LILRA2: variants seen among roughly 807,000 people sequenced by gnomAD.
The protein encoded by LILRA2 is leukocyte immunoglobulin like receptor A2, also known as leukocyte immunoglobulin-like receptor subfamily A member 2.
A neutral mutation model predicts 47.9 loss-of-function variants in LILRA2; 45 were observed. The ratio of observed to expected loss-of-function variants is 0.94; its 90% CI spans 0.74 to 1.20. LILRA2 has a LOEUF of 1.20. LILRA2 is among the 50% of genes most tolerant of loss of function. LILRA2 has a pLI of 0.00. For synonymous variants in LILRA2, 279 were observed against 249.2 expected, an observed-to-expected ratio of 1.12 and a Z score of -1.13; for missense variants, 651 against 598.2, an observed-to-expected ratio of 1.09 and a Z score of -0.92.
Position 54,577,521 on chromosome 19 carries a change from A to C in LILRA2, c.1255+1412A>C, listed in dbSNP as rs768732718. Reference sequence around the variant, plus strand: ...TGCGGGGTCCCTGGGCCATCTCAAGACAAGAGAGGAGGCTGCTTGGGCCTC... The same window carrying C: ...TGCGGGGTCCCTGGGCCATCTCAAGCCAAGAGAGGAGGCTGCTTGGGCCTC... On this transcript the variant is annotated intron_variant, in intron 6 of 7. Coordinates refer to ENST00000391738, the MANE Select transcript of LILRA2 (RefSeq NM_001130917.3). 24 of 1,289,546 alleles carry C rather than the reference A, an allele frequency of 1.9e-5. No homozygotes were observed. In the South Asian group the frequency reaches 3.0e-4, roughly 16 times the overall value. The allele number at this position is 1,289,546 out of a possible 1,614,324, so 79.9% of individuals were successfully genotyped here. A position where few individuals can be genotyped will look rare whatever the true frequency, so the allele number is the denominator to read the frequency against.
chr19:54,585,035 C>T (rs2062756000), intron 6 of LILRA2, among the ~76,000 whole-genome samples: 2 of 152,216 alleles, frequency 1.3e-5, no homozygotes, highest in African/African-American at 4.8e-5. Flanking sequence ...TCAGACCCCT[C>T]AGCAGCAGGT....
chr19:54,585,698 C>T (rs1164016605), intron 6 of LILRA2, among the ~76,000 whole-genome samples: 1 of 152,208 alleles, frequency 6.6e-6, no homozygotes, highest in Non-Finnish European at 1.5e-5. Context: ...TACAGTCTGT[C>T]ACGGCTTCCC....
At chr19:54,573,191 C>A (rs2062195897), upstream of LILRA2, 1 of 395,280 alleles carries the variant, frequency 2.5e-6, no homozygotes, top group African/African-American at 2.0e-5. Context: ...TGCTATGTGG[C>A]CCAGGGTAAT....
chr19:54,574,619 G>A, intron 3 of LILRA2, 37 bp downstream of exon 3: 1 of 1,609,364 alleles, frequency 6.2e-7, no homozygotes, highest in Non-Finnish European at 8.5e-7. Flanking sequence ...CCCAGGCTCT[G>A]CCCTCAGGAA....
intron 6 of LILRA2, among the ~76,000 whole-genome samples, chr19:54,582,932 C>G (rs2062686441): frequency 6.6e-6 from 1 of 152,200 alleles, no homozygotes; most frequent in Admixed American, 6.5e-5. Context: ...AAATTTCCCT[C>G]TACACACTGC....
At chr19:54,582,729 C>T (rs971191773) in intron 6 of LILRA2, among the ~76,000 whole-genome samples, 1 of 152,138 alleles carries the variant, frequency 6.6e-6, no homozygotes, top group African/African-American at 2.4e-5. Context: ...AAAACCAGCT[C>T]CAGGATTCAT....
At chr19:54,573,446 C>T (rs1173352232), upstream of LILRA2, 6 of 1,083,626 alleles carry the variant, frequency 5.5e-6, no homozygotes, top group East Asian at 2.4e-5. Context: ...GTAAGGACCC[C>T]GCAACGCTGA....
intron 6 of LILRA2, among the ~76,000 whole-genome samples, chr19:54,580,143 T>A (rs946228906): frequency 3.3e-5 from 5 of 151,962 alleles, no homozygotes; most frequent in African/African-American, 1.2e-4. Context: ...TCCAACACTA[T>A]GTTGAATAGG....
intron 6 of LILRA2, chr19:54,577,509 G>A: frequency 7.8e-7 from 1 of 1,289,638 alleles, no homozygotes; most frequent in Middle Eastern, 2.1e-4. Flanking sequence ...GGGGTCCCTG[G>A]GCCATCTCAA....
chr19:54,573,437 T>C (rs1568498669), upstream of LILRA2: 1 of 1,067,056 alleles, frequency 9.4e-7, no homozygotes, highest in Non-Finnish European at 1.4e-6. Flanking sequence ...ACCGCCATGG[T>C]AAGGACCCCG....
intron 6 of LILRA2, among the ~76,000 whole-genome samples, chr19:54,579,539 G>A (rs1164284047): frequency 6.6e-6 from 1 of 152,158 alleles, no homozygotes; most frequent in South Asian, 2.1e-4. Context: ...AAGTCAGGTA[G>A]CGTGATGCCT....
chr19:54,576,000 G>A lies in LILRA2; in HGVS notation c.1146G>A (p.Met382Ile), dbSNP rs373786652. The A allele has an allele frequency of 6.2e-6, 10 of 1,613,832 alleles. No homozygotes were observed. The African/African-American group carries it at 1.1e-4, about 17-fold the overall frequency. ...QAQQNQAEFR[M>I]GPVTSAHVGT... ...AGCAGAACCAGGCTGAATTCCGCATGGGTCCTGTGACCTCAGCCCACGTGG... is the reference window on the plus strand; with the variant it reads ...AGCAGAACCAGGCTGAATTCCGCATAGGTCCTGTGACCTCAGCCCACGTGG... The change falls in exon 6 of 8, where the codon ATG (methionine) becomes ATA (isoleucine). Residue 382 changes from methionine to isoleucine, a missense_variant. Transcript: ENST00000391738.
In LILRA2 at chr19:54,587,576, A is replaced by C; in HGVS notation, c.*230A>C. 1 of 742,384 alleles carries C rather than the reference A, an allele frequency of 1.3e-6. No individual in the cohort carries two copies. Among genetic ancestry groups the C allele is most frequent in the Non-Finnish European group, 2.1e-6 (1 of 474,796 alleles). The allele number at this position is 742,384 out of a possible 1,614,324, so 46.0% of individuals were successfully genotyped here. A position where few individuals can be genotyped will look rare whatever the true frequency, so the allele number is the denominator to read the frequency against. ...TGTCTATGAATGTTGACTTCCCTTG[A>C]CTGGATCCCCTTTTTTTCCCATCCC... is the stretch of plus-strand genomic sequence containing the variant. On this transcript the variant is annotated 3_prime_UTR_variant, in exon 8 of 8. Coordinates refer to ENST00000391738, the MANE Select transcript of LILRA2 (RefSeq NM_001130917.3).
Position 54,574,337 on chromosome 19 carries a change from G to A in LILRA2, c.107G>A (p.Gly36Asp), listed in dbSNP as rs535758926. The change falls in exon 3 of 8, where the codon GGC becomes GAC. Residue 36 changes from glycine to aspartate, a missense_variant. By Grantham distance (94) the Gly-to-Asp change is moderately conservative (BLOSUM62 -1). Coordinates refer to ENST00000391738, the MANE Select transcript of LILRA2 (RefSeq NM_001130917.3). ...LPKPTLWAEP[G>D]SVIIQGSPVT... ...AAGCCCACCCTCTGGGCTGAGCCAGGCTCTGTGATCATCCAGGGAAGTCCT... is the reference window on the plus strand; with the variant it reads ...AAGCCCACCCTCTGGGCTGAGCCAGACTCTGTGATCATCCAGGGAAGTCCT... 15 of 1,614,256 alleles carry A rather than the reference G, an allele frequency of 9.3e-6. No homozygotes were observed. In the Admixed American group the frequency reaches 1.0e-4, roughly 11 times the overall value.
intron 6 of LILRA2, chr19:54,577,441 C>T: frequency 7.9e-7 from 1 of 1,268,210 alleles, no homozygotes; most frequent in Non-Finnish European, 1.0e-6. Flanking sequence ...AGTGTATTGG[C>T]AGCTCTCATT....
In LILRA2 at chr19:54,574,514, A is replaced by G. The variant is rs1600193691; in HGVS notation, c.284A>G (p.Tyr95Cys). The G allele has an allele frequency of 8.1e-6, 13 of 1,614,046 alleles. No homozygotes were observed. The East Asian group carries it at 2.9e-4, about 36-fold the overall frequency. Residue 95 changes from tyrosine to cysteine, a missense_variant, in exon 3 of 8, where the codon TAT becomes TGT. Tyr to Cys is a radical substitution (Grantham distance 194). Transcript: ENST00000391738. ...PSITWEHAGR[Y>C]HCQYYSHNHS... ...ATCACCTGGGAACACGCAGGGCGGT[A>G]TCACTGTCAGTACTACAGCCACAAT...
At position 54,575,335 on chromosome 19, in the gene LILRA2, C is replaced by T. The variant is rs760332477; in HGVS notation, c.735C>T (p.Val245=). Residue 245 remains valine (V), a synonymous_variant, in exon 5 of 8, where the codon GTC becomes GTT. Coordinates refer to ENST00000391738, the MANE Select transcript of LILRA2 (RefSeq NM_001130917.3). The stretch of plus-strand genomic sequence containing the variant: ...GGGAGAGCCTGACCCTCCAGTGTGT[C>T]TCTGATGTCGGCTACGACAGATTTG... The part of the protein sequence containing the change: ...APGESLTLQC[V]SDVGYDRFVL... 21 of 1,614,076 alleles carry T rather than the reference C, an allele frequency of 1.3e-5. No homozygotes were observed. Among genetic ancestry groups the T allele is most frequent in the African/African-American group, 5.3e-5 (4 of 75,028 alleles).
rs57374173 is a variant in LILRA2, at chr19:54,575,299, G to A, written c.699G>A (p.Met233Ile). 1.6e-3 allele frequency: 2,461 copies of A among 1,569,626 alleles called. 32 individuals carry two copies. In the African/African-American group the frequency reaches 0.032, roughly 20 times the overall value. ...CACTCTCAGTGCAGCCAGGTCCTATGGTGGCCCCTGGGGAGAGCCTGACCC... is the reference window on the plus strand; with the variant it reads ...CACTCTCAGTGCAGCCAGGTCCTATAGTGGCCCCTGGGGAGAGCCTGACCC... Reference protein sequence around the residue: ...KPSLSVQPGPMVAPGESLTLQ... With the variant: ...KPSLSVQPGPIVAPGESLTLQ... Residue 233 changes from methionine to isoleucine, a missense_variant, in exon 5 of 8, where the codon ATG becomes ATA. Met to Ile is a conservative substitution (Grantham distance 10). Transcript: ENST00000391738.
rs192248063 is a variant in LILRA2 at position 54,574,656 on chromosome 19, G to A, written c.352+74G>A. 9.2e-4 allele frequency: 1,441 copies of A among 1,558,834 alleles called. 7 individuals are homozygous for A. The Middle Eastern group carries it at 0.012, about 13-fold the overall frequency. On this transcript the variant is annotated intron_variant, in intron 3 of 7. Transcript: ENST00000391738. ...GGGGTCGGCTCTCAGGGGCATCTCC[G>A]CTCTCACAGCTCAACCCTGGGGATG...
Sources: allele counts gnomAD v4.1 joint callset (sites outside exome capture counted in the v4.1 genomes callset), GRCh38; gene constraint gnomAD v4.1.1; transcripts MANE v1.5; gene names NCBI Gene and HGNC (gene_info 2026-07-23, HGNC 2026-07-21).